POLH: variants seen among roughly 807,000 people sequenced by gnomAD.
The protein encoded by POLH is DNA polymerase eta, also known as DNA polymerase eta transcript.
POLH carries 53 observed loss-of-function variants against 73.6 expected under a neutral mutation model. That is an observed-to-expected ratio of 0.72 (90% CI 0.58 to 0.91). POLH has a LOEUF of 0.91. POLH is among the 40% of genes least tolerant of loss of function. POLH has a pLI of 0.00. For synonymous variants in POLH, 292 were observed against 308.5 expected (o/e 0.95, Z 0.56); for missense variants, 768 against 865.4 (o/e 0.89, Z 1.41).
At chr6:43,586,184 A>G (rs568741718) in intron 3 of POLH, among the ~76,000 whole-genome samples, 7 of 152,296 alleles carry the variant, frequency 4.6e-5, no homozygotes, top group Admixed American at 1.3e-4. Context: ...AGGAAAGCAA[A>G]TATCTGTATA....
At chr6:43,577,415 C>T (rs1342798471) in intron 1 of POLH, among the ~76,000 whole-genome samples, 1 of 152,098 alleles carries the variant, frequency 6.6e-6, no homozygotes, top group African/African-American at 2.4e-5. Context: ...TCAGTCTGTT[C>T]CAGTACTACT....
intron 4 of POLH, among the ~76,000 whole-genome samples, chr6:43,593,672 G>C (rs1387671966): frequency 6.6e-6 from 1 of 152,102 alleles, no homozygotes; most frequent in African/African-American, 2.4e-5. Context: ...ATGACGTCAT[G>C]AGATTGAGAC....
chr6:43,593,691 C>T (rs1459521142), intron 4 of POLH, among the ~76,000 whole-genome samples: 1 of 152,018 alleles, frequency 6.6e-6, no homozygotes, highest in Non-Finnish European at 1.5e-5. Flanking sequence ...ACCATCCTGG[C>T]CAACATGGTG....
At chr6:43,595,512 C>T (rs958062901) in intron 4 of POLH, among the ~76,000 whole-genome samples, 1 of 152,048 alleles carries the variant, frequency 6.6e-6, no homozygotes. Context: ...CTTTGGGAGG[C>T]CAAGGCAGGC....
chr6:43,580,054 C>T (rs926753066), intron 1 of POLH, among the ~76,000 whole-genome samples: 1 of 147,780 alleles, frequency 6.8e-6, no homozygotes, highest in African/African-American at 2.6e-5. Context: ...GAGGACCCTG[C>T]GGCCTTCCGC....
chr6:43,595,936 A>G (rs1173126389), intron 4 of POLH, among the ~76,000 whole-genome samples: 1 of 152,090 alleles, frequency 6.6e-6, no homozygotes, highest in Non-Finnish European at 1.5e-5. Context: ...ATCATTTAAA[A>G]TAATGTATAC....
At chr6:43,597,379 T>C (rs1387328426) in intron 4 of POLH, among the ~76,000 whole-genome samples, 1 of 152,238 alleles carries the variant, frequency 6.6e-6, no homozygotes, top group African/African-American at 2.4e-5. Flanking sequence ...TCTCCCAAAA[T>C]GCTGGGATTA....
At chr6:43,609,727 T>C (rs1767678994) in intron 9 of POLH, among the ~76,000 whole-genome samples, 1 of 152,340 alleles carries the variant, frequency 6.6e-6, no homozygotes, top group East Asian at 1.9e-4. Flanking sequence ...AAAAAAGATA[T>C]GACTTGAAGC....
rs1302589078 is a variant in POLH, at chr6:43,614,470, C to G, written c.2055C>G (p.Pro685=). The G allele has an allele frequency of 1.2e-6, 2 of 1,614,022 alleles. No homozygotes were observed. The highest frequency in any genetic ancestry group is 1.7e-6 in the Non-Finnish European group (2 of 1,180,018). ...TATCTCATCAAGGCAAAAGAAATCCCAAGAGCCCTTTGGCCTGCACTAATA... is the reference window on the plus strand; with the variant it reads ...TATCTCATCAAGGCAAAAGAAATCCGAAGAGCCCTTTGGCCTGCACTAATA... ...SAVSHQGKRN[P]KSPLACTNKR... The change falls in exon 11 of 11, where the codon CCC becomes CCG. Residue 685 remains proline (P), a synonymous_variant. Coordinates refer to ENST00000372236, the MANE Select transcript of POLH (RefSeq NM_006502.3).
chr6:43,587,497 C>T lies in POLH; in HGVS notation c.490+8C>T. On this transcript the variant is annotated splice_region_variant and intron_variant, in intron 4 of 10. Transcript: ENST00000372236. Reference sequence around the variant, plus strand: ...AAGAGACTGTTCAGAAAGGTACTTCCATAGCATCATACTGCTTCTGCTTCC... The same window carrying T: ...AAGAGACTGTTCAGAAAGGTACTTCTATAGCATCATACTGCTTCTGCTTCC... The T allele has an allele frequency of 1.3e-6, 2 of 1,582,264 alleles. No homozygotes were observed. The highest frequency in any genetic ancestry group is 1.7e-6 in the Non-Finnish European group (2 of 1,150,810).
At chr6:43,597,176 C>T (rs1766165605) in intron 4 of POLH, among the ~76,000 whole-genome samples, 1 of 152,010 alleles carries the variant, frequency 6.6e-6, no homozygotes, top group South Asian at 2.1e-4. Flanking sequence ...AGTGCAGTGG[C>T]GCAATCTCGG....
intron 1 of POLH, among the ~76,000 whole-genome samples, chr6:43,580,868 C>T (rs1200062402): frequency 7.4e-4 from 106 of 143,044 alleles, no homozygotes; most frequent in Middle Eastern, 3.7e-3. Context: ...ACCTCCCAGA[C>T]GGGGCGGCTG....
rs534083181 is a variant in POLH at position 43,586,413 on chromosome 6, G to A, written c.273-859G>A. Among the ~76,000 whole-genome samples the A allele has an allele frequency of 2.0e-5, 3 of 152,310 alleles. No homozygotes were observed. The South Asian group carries it at 6.2e-4, about 32-fold the overall frequency. On this transcript the variant is annotated intron_variant, in intron 3 of 10. Transcript: ENST00000372236. ...GGAGAATTGCTTGAACCCGGGAGGT[G>A]GAGGTTGCAGTGAGGCGAGATGCCA... is the stretch of plus-strand genomic sequence containing the variant.
intron 9 of POLH, among the ~76,000 whole-genome samples, chr6:43,607,321 A>T (rs1385444056): frequency 2.0e-5 from 3 of 152,114 alleles, no homozygotes; most frequent in Admixed American, 1.3e-4. Flanking sequence ...TCTCAATCTC[A>T]TGACCTTGTG....
At chr6:43,587,754 C>G (rs140150471) in intron 4 of POLH, among the ~76,000 whole-genome samples, 1 of 152,110 alleles carries the variant, frequency 6.6e-6, no homozygotes, top group African/African-American at 2.4e-5. Flanking sequence ...AGAGACCTGG[C>G]GCGGTGATTC....
chr6:43,582,247 G>T (rs887584266), intron 1 of POLH, 69 bp from the exon 2 acceptor site: 78 of 1,415,246 alleles, frequency 5.5e-5, no homozygotes, highest in Non-Finnish European at 7.4e-5. Flanking sequence ...TGAAAGAATG[G>T]AATTACAGTT....
Position 43,607,223 on chromosome 6 carries a change from T to C in POLH, c.1074+1904T>C, listed in dbSNP as rs552641095. Among the ~76,000 whole-genome samples, 3 of 152,250 alleles carry C rather than the reference T, an allele frequency of 2.0e-5. No individual in the cohort carries two copies. In the South Asian group the frequency reaches 6.2e-4, roughly 32 times the overall value. ...GATTCTGCTGCCTTAGCCTCCCGAG[T>C]AGCTGGGATTATAGGCACGCGCCAC... On this transcript the variant is annotated intron_variant, in intron 9 of 10. Transcript: ENST00000372236.
At position 43,604,601 on chromosome 6, in the gene POLH, G is replaced by A. The variant is rs769128596; in HGVS notation, c.885-14G>A. On this transcript the variant is annotated splice_polypyrimidine_tract_variant and intron_variant, in intron 7 of 10. Transcript: ENST00000372236. ...ATTTAATTTCACCTTAACGTTTTTT[G>A]CTGGTCTTATTAGGTCTTGGCTATA... 6.2e-7 allele frequency: 1 copy of A among 1,612,956 alleles called. No homozygotes were observed. The highest frequency in any genetic ancestry group is 8.5e-7 in the Non-Finnish European group (1 of 1,179,274).
chr6:43,617,912 G>T lies in POLH; in HGVS notation c.*3355G>T, dbSNP rs1408258046. 6.7e-6 allele frequency among the ~76,000 whole-genome samples: 1 copy of T among 149,532 alleles called. No individual in the cohort carries two copies. Among genetic ancestry groups the T allele is most frequent in the East Asian group, 2.0e-4 (1 of 5,124 alleles). Reference sequence around the variant, plus strand: ...TGCACCCTGGCGACACAGCAAGACTGTCTCAAAAAAAAAAAAATTCCCAAT... The same window carrying T: ...TGCACCCTGGCGACACAGCAAGACTTTCTCAAAAAAAAAAAAATTCCCAAT... On this transcript the variant is annotated 3_prime_UTR_variant, in exon 11 of 11. Coordinates refer to ENST00000372236, the MANE Select transcript of POLH (RefSeq NM_006502.3).
Sources: gnomAD v4.1 joint callset for allele counts (sites outside exome capture counted in the v4.1 genomes callset) on GRCh38, gnomAD v4.1.1 for gene constraint, MANE v1.5 for transcripts, NCBI Gene and HGNC (gene_info 2026-07-23, HGNC 2026-07-21) for gene names.